Variants in PDE4D observed in about 807,000 individuals in gnomAD.
PDE4D encodes the protein phosphodiesterase 4D, also known as 3',5'-cyclic-AMP phosphodiesterase 4D.
A neutral mutation model predicts 87.4 loss-of-function variants in PDE4D; 24 were observed. That is an observed-to-expected ratio of 0.27 (90% CI 0.20 to 0.39). The LOEUF is 0.39. Among genes scored for constraint, PDE4D ranks in the 10% least tolerant of loss-of-function variants. The pLI, the probability that PDE4D is intolerant of heterozygous loss-of-function variation, is 1.00. For missense variants in PDE4D, 714 were observed against 1,041.0 expected (o/e 0.69, Z 4.32); for synonymous variants, 384 against 383.2 (o/e 1.00, Z -0.02).
intron 1 of PDE4D, among the ~76,000 whole-genome samples, chr5:59,596,515 T>C (rs1263339325): frequency 6.6e-6 from 1 of 151,904 alleles, no homozygotes; most frequent in Non-Finnish European, 1.5e-5. Flanking sequence ...GGTTTTCTGG[T>C]CTGTTTTGTC....
At chr5:59,704,617 T>A (rs1266284295) in intron 1 of PDE4D, among the ~76,000 whole-genome samples, 1 of 152,240 alleles carries the variant, frequency 6.6e-6, no homozygotes, top group Non-Finnish European at 1.5e-5. Flanking sequence ...TTGGATTGCT[T>A]TGCTATAATT....
chr5:59,206,159 C>CAGTA (rs58016979), intron 2 of PDE4D, among the ~76,000 whole-genome samples: 16,341 of 152,098 alleles, frequency 0.11, 1,200 homozygotes, highest in African/African-American at 0.21. Context: ...GGAGATGCTG[C>CAGTA]AGTAGGCAGA....
chr5:59,824,715 G>A (rs1770116851), intron 1 of PDE4D, among the ~76,000 whole-genome samples: 1 of 152,054 alleles, frequency 6.6e-6, no homozygotes, highest in African/African-American at 2.4e-5. Context: ...CAATCTCCTG[G>A]ATATTGCCCA....
chr5:60,042,634 C>T (rs1317306513), intron 2 of PDE4D, among the ~76,000 whole-genome samples: 1 of 152,210 alleles, frequency 6.6e-6, no homozygotes, highest in Non-Finnish European at 1.5e-5. Flanking sequence ...ACAGCCTCTG[C>T]TGGTGATACC....
At chr5:59,702,927 T>C (rs796893223) in intron 1 of PDE4D, among the ~76,000 whole-genome samples, 1 of 135,714 alleles carries the variant, frequency 7.4e-6, no homozygotes, top group African/African-American at 2.8e-5. Context: ...AAAGCCAAAA[T>C]GCATCCAAGT....
At chr5:60,189,654 T>C (rs904184212) in intron 1 of PDE4D, among the ~76,000 whole-genome samples, 1 of 152,200 alleles carries the variant, frequency 6.6e-6, no homozygotes. Context: ...GAACAGGACA[T>C]GTTTTATATA....
intron 1 of PDE4D, among the ~76,000 whole-genome samples, chr5:59,743,057 C>T (rs1385459799): frequency 1.3e-5 from 2 of 152,080 alleles, no homozygotes; most frequent in Admixed American, 6.6e-5. Flanking sequence ...AATAACAAAG[C>T]CTACTTAAAA....
At position 59,098,780 on chromosome 5, in the gene PDE4D, C is replaced by T. The variant is rs1271966701; in HGVS notation, c.809-59809G>A. On this transcript the variant is annotated intron_variant, in intron 5 of 14. Transcript: ENST00000340635. ...AAACAGGTCAAGGTTGGAATGGTGACACCATGTTTATCAGGGACCTAGGTT... is the reference window on the plus strand; with the variant it reads ...AAACAGGTCAAGGTTGGAATGGTGATACCATGTTTATCAGGGACCTAGGTT... Among the ~76,000 whole-genome samples, 5 of 150,340 alleles carry T rather than the reference C, an allele frequency of 3.3e-5. No homozygotes were observed. In the East Asian group the frequency reaches 9.7e-4, roughly 29 times the overall value.
chr5:60,328,902 G>A (rs1757047821), intron 1 of PDE4D, among the ~76,000 whole-genome samples: 1 of 152,148 alleles, frequency 6.6e-6, no homozygotes, highest in Admixed American at 6.5e-5. Flanking sequence ...TTTCTGCCAG[G>A]AGAAAAGAAA....
At chr5:59,668,906 GAAGAAGAAGAAGAAGA>G (rs1387662532) in intron 1 of PDE4D, among the ~76,000 whole-genome samples, 2,400 of 75,422 alleles carry the variant, frequency 0.032, 179 homozygotes, top group East Asian at 0.18. Context: ...AGAAGAAGAA[GAAGAAGAAGAAGAAGA>G]AAGAAAGAAA....
intron 5 of PDE4D, among the ~76,000 whole-genome samples, chr5:59,084,108 G>A (rs940211732): frequency 6.6e-6 from 1 of 151,956 alleles, no homozygotes; most frequent in Non-Finnish European, 1.5e-5. Flanking sequence ...ATATTAAAAT[G>A]TATTTCTTAA....
intron 2 of PDE4D, among the ~76,000 whole-genome samples, chr5:60,083,098 G>C (rs7730060): frequency 6.6e-6 from 1 of 151,964 alleles, no homozygotes; most frequent in Non-Finnish European, 1.5e-5. Context: ...AGTCATGTCC[G>C]TCCCCTCCAC....
intron 1 of PDE4D, among the ~76,000 whole-genome samples, chr5:59,295,563 G>C (rs898203108): frequency 1.3e-5 from 2 of 152,184 alleles, no homozygotes; most frequent in Non-Finnish European, 2.9e-5. Context: ...ACATCAGGCA[G>C]AGATGAGGCA....
At chr5:59,997,202 C>T (rs1043608695) in intron 2 of PDE4D, among the ~76,000 whole-genome samples, 4 of 152,120 alleles carry the variant, frequency 2.6e-5, no homozygotes, top group African/African-American at 7.2e-5. Flanking sequence ...AACATGAGTT[C>T]TGTCAATTAT....
chr5:59,031,415 T>G (rs75841087), intron 6 of PDE4D, among the ~76,000 whole-genome samples: 3 of 93,574 alleles, frequency 3.2e-5, no homozygotes, highest in Non-Finnish European at 4.4e-5. Flanking sequence ...TATATATATA[T>G]AGATTATACA....
intron 1 of PDE4D, among the ~76,000 whole-genome samples, chr5:59,232,823 TATATAC>T (rs1319120967): frequency 3.4e-5 from 5 of 145,064 alleles, no homozygotes; most frequent in African/African-American, 8.0e-5. Context: ...TATATATATA[TATATAC>T]ACACACACAT....
intron 6 of PDE4D, chr5:58,999,676 A>G: frequency 9.0e-7 from 1 of 1,109,802 alleles, no homozygotes; most frequent in Non-Finnish European, 1.1e-6. Context: ...TTGGTAATTA[A>G]GTATACATAA....
At chr5:59,160,347 T>A (rs951288670) in intron 5 of PDE4D, among the ~76,000 whole-genome samples, 1 of 152,202 alleles carries the variant, frequency 6.6e-6, no homozygotes, top group African/African-American at 2.4e-5. Context: ...CTTATATTTT[T>A]TGTAACTATC....
intron 1 of PDE4D, among the ~76,000 whole-genome samples, chr5:59,326,656 T>C (rs1307288505): frequency 2.0e-5 from 3 of 152,134 alleles, no homozygotes; most frequent in Non-Finnish European, 2.9e-5. Context: ...TCTAAAGCAT[T>C]CAACAGCTCT....
Sources: allele counts gnomAD v4.1 joint callset (sites outside exome capture counted in the v4.1 genomes callset), GRCh38; gene constraint gnomAD v4.1.1; transcripts MANE v1.5; gene names NCBI Gene and HGNC (gene_info 2026-07-23, HGNC 2026-07-21).